The following EPHB2 variants were observed in gnomAD, a reference collection of about 807,000 sequenced individuals.
The protein encoded by EPHB2 is EPH receptor B2, also known as ephrin type-B receptor 2.
A neutral mutation model predicts 96.4 loss-of-function variants in EPHB2; 18 were observed. The observed-to-expected ratio is 0.19, with a 90% CI of 0.13 to 0.28. The LOEUF (loss-of-function observed/expected upper bound fraction) is 0.28. EPHB2 is among the 10% of genes least tolerant of loss of function. EPHB2 has a pLI of 1.00. For missense variants in EPHB2, 989 were observed against 1,355.4 expected, an observed-to-expected ratio of 0.73 and a Z score of 4.25; for synonymous variants, 506 against 534.1, an observed-to-expected ratio of 0.95 and a Z score of 0.72.
chr1:22,808,550 C>T (rs1310370899), intron 3 of EPHB2, among the ~76,000 whole-genome samples: 2 of 152,188 alleles, frequency 1.3e-5, no homozygotes, highest in African/African-American at 2.4e-5. Flanking sequence ...GACGTGTCAC[C>T]GCAGAGTCAA....
intron 5 of EPHB2, among the ~76,000 whole-genome samples, chr1:22,871,152 G>A (rs1045084244): frequency 7.2e-5 from 11 of 152,174 alleles, no homozygotes; most frequent in Non-Finnish European, 1.6e-4. Flanking sequence ...GGAAAGCGAG[G>A]CATTGAGAGG....
chr1:22,782,284 A>G (rs899251020), intron 2 of EPHB2, among the ~76,000 whole-genome samples: 26 of 152,216 alleles, frequency 1.7e-4, no homozygotes, highest in African/African-American at 6.3e-4. Context: ...AATGCCTGGC[A>G]TAGATTGGGC....
chr1:22,844,638 G>A (rs1384693598), intron 3 of EPHB2, among the ~76,000 whole-genome samples: 3 of 152,218 alleles, frequency 2.0e-5, no homozygotes, highest in Non-Finnish European at 4.4e-5. Flanking sequence ...ATTTACCCAA[G>A]GTCACTCAGC....
rs1440082864 is a variant in EPHB2, at chr1:22,906,659, C to T, written c.1889-51C>T. ...GACATGACAGGGAACAGGAAGGTGG[C>T]CCTTCCACCTGGCAAGTGACATCCT... On this transcript the variant is annotated intron_variant, in intron 10 of 15. Coordinates refer to ENST00000374630, the MANE Select transcript of EPHB2 (RefSeq NM_017449.5). This position sits in a 1 kb window ranked among gnomAD's most constrained non-coding sequence, Gnocchi z 4.8. 2 of 1,612,486 alleles carry T rather than the reference C, an allele frequency of 1.2e-6. No homozygotes were observed. Among genetic ancestry groups the T allele is most frequent in the Non-Finnish European group, 1.7e-6 (2 of 1,179,598 alleles).
At chr1:22,805,546 A>G (rs1570311537) in intron 3 of EPHB2, among the ~76,000 whole-genome samples, 1 of 151,598 alleles carries the variant, frequency 6.6e-6, no homozygotes, top group African/African-American at 2.4e-5. Flanking sequence ...CCCTCTCCCC[A>G]CCTCTCTACA....
At chr1:22,749,101 A>G (rs1370392957) in intron 1 of EPHB2, among the ~76,000 whole-genome samples, 2 of 150,510 alleles carry the variant, frequency 1.3e-5, no homozygotes, top group Admixed American at 6.6e-5. Flanking sequence ...CCTCACTGCA[A>G]CCTCCGCCTC....
chr1:22,733,750 G>C lies in EPHB2; in HGVS notation c.61+22707G>C, dbSNP rs558392298. On this transcript the variant is annotated intron_variant, in intron 1 of 15. Transcript: ENST00000374630. The surrounding 1 kb of genome is among the most constrained non-coding windows in gnomAD (Gnocchi z 4.6). ...AGTCCAAAGCCCATGCTCATGACAC[G>C]CTACTACATCAGGCTGGTATGATTT... Among the ~76,000 whole-genome samples, 1 of 152,214 alleles carries C rather than the reference G, an allele frequency of 6.6e-6. No individual in the cohort carries two copies. Among genetic ancestry groups the C allele is most frequent in the Non-Finnish European group, 1.5e-5 (1 of 68,046 alleles).
chr1:22,816,251 A>G (rs763863224), intron 3 of EPHB2, among the ~76,000 whole-genome samples: 1 of 152,096 alleles, frequency 6.6e-6, no homozygotes, highest in Non-Finnish European at 1.5e-5. Context: ...CGGCCCTCCT[A>G]AAACCAGACC....
In EPHB2 at chr1:22,912,452, T is replaced by A; in HGVS notation, c.2705T>A (p.Leu902Gln). ...AMAPLSSGIN[L>Q]PLLDRTIPDY... is the part of the protein sequence containing the mutation. ...CCCACCCCCAACCCCAGCATCAACC[T>A]GCCGCTGCTGGACCGCACGATCCCC... The change falls in exon 15 of 16, where the codon CTG becomes CAG. Residue 902 changes from leucine to glutamine, a missense_variant. By Grantham distance (113) the Leu-to-Gln change is moderately radical. Coordinates refer to ENST00000374630, the MANE Select transcript of EPHB2 (RefSeq NM_017449.5). 1 of 1,613,980 alleles carries A rather than the reference T, an allele frequency of 6.2e-7. No homozygotes were observed. The highest frequency in any genetic ancestry group is 8.5e-7 in the Non-Finnish European group (1 of 1,180,008).
chr1:22,851,519 G>A (rs1416959846), intron 3 of EPHB2, among the ~76,000 whole-genome samples: 2 of 152,160 alleles, frequency 1.3e-5, no homozygotes, highest in Admixed American at 6.5e-5. Context: ...CTCCAATGTG[G>A]GCATCAGCAT....
intron 2 of EPHB2, among the ~76,000 whole-genome samples, chr1:22,781,931 G>C (rs1363168412): frequency 6.6e-6 from 1 of 152,080 alleles, no homozygotes; most frequent in Admixed American, 6.5e-5. Context: ...ACCTGCCCAG[G>C]GCCCTATAGA....
chr1:22,888,053 TTG>T (rs1433490334), intron 6 of EPHB2, among the ~76,000 whole-genome samples: 2 of 152,120 alleles, frequency 1.3e-5, no homozygotes, highest in Non-Finnish European at 2.9e-5. Context: ...GGGGTTTTTT[TTG>T]TGTGTGTGAC....
At chr1:22,751,034 T>C (rs911784640) in intron 1 of EPHB2, among the ~76,000 whole-genome samples, 43 of 152,256 alleles carry the variant, frequency 2.8e-4, no homozygotes, top group African/African-American at 9.9e-4. Context: ...CTGATGAATT[T>C]ATTTCCATGA....
intron 1 of EPHB2, among the ~76,000 whole-genome samples, chr1:22,775,449 C>T (rs1409430489): frequency 6.6e-6 from 1 of 152,232 alleles, no homozygotes; most frequent in East Asian, 1.9e-4. Context: ...ATCTGTGGTC[C>T]TAGAGAATTA....
intron 1 of EPHB2, among the ~76,000 whole-genome samples, chr1:22,762,611 C>A (rs1570234601): frequency 6.6e-6 from 1 of 152,158 alleles, no homozygotes; most frequent in Non-Finnish European, 1.5e-5. Context: ...GGGGAAGCCC[C>A]TTCCCCTCAC....
chr1:22,819,690 C>T (rs1199281093), intron 3 of EPHB2, among the ~76,000 whole-genome samples: 1 of 152,168 alleles, frequency 6.6e-6, no homozygotes, highest in African/African-American at 2.4e-5. Context: ...CAGGCCTCCC[C>T]AGCCCCCATT....
rs887399979 is a variant in EPHB2, at chr1:22,920,488, C to T, written c.*6918C>T. On this transcript the variant is annotated 3_prime_UTR_variant, in exon 16 of 16. Coordinates refer to ENST00000374630, the MANE Select transcript of EPHB2 (RefSeq NM_017449.5). ...GGTGCCTTCCCTCTGACATTTGGGA[C>T]ATAGCTTCCATGGCCACACAGCCTT... 2.0e-5 allele frequency: 3 copies of T among 153,184 alleles called. No individual in the cohort carries two copies. The highest frequency in any genetic ancestry group is 4.4e-5 in the Non-Finnish European group (3 of 68,770). The allele number at this position is 153,184 out of a possible 1,614,324, so 9.5% of individuals were successfully genotyped here. A position where few individuals can be genotyped will look rare whatever the true frequency, so the allele number is the denominator to read the frequency against.
intron 1 of EPHB2, among the ~76,000 whole-genome samples, chr1:22,713,578 G>C (rs1049905839): frequency 6.6e-6 from 1 of 151,996 alleles, no homozygotes; most frequent in African/African-American, 2.4e-5. Flanking sequence ...GTGCACATTT[G>C]GGGGGCGGTG....
intron 3 of EPHB2, among the ~76,000 whole-genome samples, chr1:22,830,801 C>T (rs1295770022): frequency 2.0e-5 from 3 of 152,140 alleles, no homozygotes; most frequent in African/African-American, 4.8e-5. Context: ...ATGATCCACC[C>T]GCCTTGGCCT....
Sources: allele counts gnomAD v4.1 joint callset (sites outside exome capture counted in the v4.1 genomes callset), GRCh38; gene constraint gnomAD v4.1.1; non-coding constraint Gnocchi (gnomAD v3.1); transcripts MANE v1.5; gene names NCBI Gene and HGNC (gene_info 2026-07-23, HGNC 2026-07-21).